Variants in ANK2 observed in about 807,000 individuals in gnomAD.
The protein encoded by ANK2 is ankyrin 2, also known as ankyrin-2.
ANK2 carries 83 observed loss-of-function variants against 360.5 expected under a neutral mutation model. The observed-to-expected ratio is 0.23, with a 90% CI of 0.19 to 0.28. ANK2 has a LOEUF of 0.28. ANK2 is among the 10% of genes least tolerant of loss of function. The probability of loss-of-function intolerance (pLI) is 1.00; values close to 1 mark genes in which losing one functional copy is unlikely to be tolerated. For synonymous variants in ANK2, 1,740 were observed against 1,759.5 expected (o/e 0.99, Z 0.28); for missense variants, 4,201 against 4,795.7 (o/e 0.88, Z 3.66).
At chr4:112,889,052 C>T (rs570076643) in intron 1 of ANK2, among the ~76,000 whole-genome samples, 36 of 152,232 alleles carry the variant, frequency 2.4e-4, no homozygotes, top group Middle Eastern at 3.4e-3. Flanking sequence ...AATGCAATTA[C>T]AAAACTGTGA....
At chr4:112,975,615 C>T (rs1205756010) in intron 2 of ANK2, among the ~76,000 whole-genome samples, 1 of 152,152 alleles carries the variant, frequency 6.6e-6, no homozygotes, top group African/African-American at 2.4e-5. Context: ...CAGATACCAT[C>T]AACCACTCTA....
the ANK2 span, among the ~76,000 whole-genome samples, chr4:112,748,874 A>G: frequency 6.6e-6 from 1 of 152,224 alleles, no homozygotes; most frequent in African/African-American, 2.4e-5. Context: ...AAATAAAGTC[A>G]GTGGACGGAC....
intron 1 of ANK2, among the ~76,000 whole-genome samples, chr4:113,118,080 G>A (rs1423407986): frequency 6.6e-6 from 1 of 151,998 alleles, no homozygotes; most frequent in African/African-American, 2.4e-5. Flanking sequence ...GTTAAACAAG[G>A]GATGAAATGT....
the ANK2 span, chr4:112,738,746 A>G: frequency 1.6e-6 from 1 of 619,696 alleles, no homozygotes; most frequent in Non-Finnish European, 3.0e-6. Context: ...GGCACCAGTC[A>G]GACCCATATG....
the ANK2 span, among the ~76,000 whole-genome samples, chr4:112,741,234 T>A: frequency 9.2e-5 from 14 of 152,202 alleles, no homozygotes; most frequent in Admixed American, 9.2e-4. Context: ...AGTTTTGCCT[T>A]CTTCTCCCAG....
At chr4:112,937,250 A>G (rs1043365210) in intron 2 of ANK2, among the ~76,000 whole-genome samples, 2 of 152,140 alleles carry the variant, frequency 1.3e-5, no homozygotes, top group Admixed American at 6.5e-5. Context: ...TTTGGATGGC[A>G]GGCTCTATAT....
rs1247526676 is a variant in ANK2, at chr4:113,236,975, C to A, written c.484-12C>A. 1 of 1,613,828 alleles carries A rather than the reference C, an allele frequency of 6.2e-7. No homozygotes were observed. Among genetic ancestry groups the A allele is most frequent in the African/African-American group, 1.3e-5 (1 of 74,928 alleles). On this transcript the variant is annotated splice_polypyrimidine_tract_variant and intron_variant, in intron 5 of 45. Transcript: ENST00000357077. ...GATGTTAACAGACAATTTTTACCTTCCATTTTACCAGGATGGCTTTACTCC... is the reference window on the plus strand; with the variant it reads ...GATGTTAACAGACAATTTTTACCTTACATTTTACCAGGATGGCTTTACTCC...
intron 2 of ANK2, among the ~76,000 whole-genome samples, chr4:112,973,017 G>C (rs2040115691): frequency 6.6e-6 from 1 of 152,166 alleles, no homozygotes; most frequent in Non-Finnish European, 1.5e-5. Flanking sequence ...AGGGGCTTGA[G>C]GGGTAAGGCT....
chr4:113,222,303 A>G (rs2099159970), intron 4 of ANK2, among the ~76,000 whole-genome samples: 1 of 152,206 alleles, frequency 6.6e-6, no homozygotes, highest in Admixed American at 6.5e-5. Flanking sequence ...AGAGCTTTCC[A>G]GCTCATCCCT....
intron 1 of ANK2, among the ~76,000 whole-genome samples, chr4:112,885,887 C>T (rs2078228933): frequency 1.3e-5 from 2 of 148,636 alleles, no homozygotes; most frequent in African/African-American, 5.0e-5. Flanking sequence ...CCAAGTTTTT[C>T]TCTGAGATGG....
At chr4:112,895,953 GC>G (rs1304758799) in intron 1 of ANK2, among the ~76,000 whole-genome samples, 2 of 152,168 alleles carry the variant, frequency 1.3e-5, no homozygotes, top group African/African-American at 4.8e-5. Flanking sequence ...CCTCTACATT[GC>G]CCCAATTGTG....
chr4:112,817,918 T>G (rs1260582487), upstream of ANK2, among the ~76,000 whole-genome samples: 1 of 152,158 alleles, frequency 6.6e-6, no homozygotes, highest in Non-Finnish European at 1.5e-5. Flanking sequence ...AAAAAATATT[T>G]TGTGAGAAAA....
chr4:113,101,296 T>A (rs1321470905), intron 1 of ANK2, among the ~76,000 whole-genome samples: 2 of 152,148 alleles, frequency 1.3e-5, no homozygotes, highest in African/African-American at 4.8e-5. Flanking sequence ...GAATTTGATA[T>A]TTCTCCCTAC....
In ANK2 at chr4:113,261,440, G is replaced by A. The variant is rs537658175; in HGVS notation, c.1386+3029G>A. On this transcript the variant is annotated intron_variant, in intron 13 of 45. Transcript: ENST00000357077. ...TTATATTATGCTTAAAAATTTCCCC[G>A]AATCCTTAAATTTCATTAGCTTGAG... Among the ~76,000 whole-genome samples, 7 of 152,132 alleles carry A rather than the reference G, an allele frequency of 4.6e-5. No homozygotes were observed. The East Asian group carries it at 9.7e-4, about 21-fold the overall frequency.
At chr4:112,954,620 T>G (rs2095245547) in intron 2 of ANK2, among the ~76,000 whole-genome samples, 1 of 152,206 alleles carries the variant, frequency 6.6e-6, no homozygotes, top group African/African-American at 2.4e-5. Context: ...CTTAATAGAT[T>G]TAATTTTATT....
chr4:112,966,018 CTT>C (rs1004237677), intron 2 of ANK2, among the ~76,000 whole-genome samples: 4 of 151,664 alleles, frequency 2.6e-5, no homozygotes, highest in Admixed American at 1.3e-4. Context: ...TTTAGAAAAA[CTT>C]AATTTAACAT....
chr4:113,251,122 A>G (rs1237386071), intron 10 of ANK2, among the ~76,000 whole-genome samples: 1 of 152,236 alleles, frequency 6.6e-6, no homozygotes, highest in Admixed American at 6.5e-5. Context: ...TGAAATTTAA[A>G]TGGAAATAAC....
the ANK2 span, among the ~76,000 whole-genome samples, chr4:112,784,115 G>C: frequency 6.6e-6 from 1 of 151,950 alleles, no homozygotes; most frequent in Non-Finnish European, 1.5e-5. Context: ...GTATTTTCTT[G>C]TGATAAGCAA....
intron 20 of ANK2, among the ~76,000 whole-genome samples, chr4:113,291,277 T>C (rs1359822639): frequency 6.6e-6 from 1 of 152,262 alleles, no homozygotes; most frequent in Non-Finnish European, 1.5e-5. Flanking sequence ...TCGCTTAGTG[T>C]ATTCTCCTCA....
Sources: gnomAD v4.1 joint callset for allele counts (sites outside exome capture counted in the v4.1 genomes callset) on GRCh38, gnomAD v4.1.1 for gene constraint, MANE v1.5 for transcripts, NCBI Gene and HGNC (gene_info 2026-07-23, HGNC 2026-07-21) for gene names.